Variants in SLC9A9 observed in about 807,000 individuals in gnomAD.
SLC9A9 encodes solute carrier family 9 member A9.
In SLC9A9, 62 loss-of-function variants were observed where a neutral mutation model predicts 77.8. The ratio of observed to expected loss-of-function variants is 0.80; its 90% CI spans 0.65 to 0.98. The LOEUF (loss-of-function observed/expected upper bound fraction) is 0.98. SLC9A9 is among the 50% of genes least tolerant of loss of function. The pLI is 0.00. For missense variants in SLC9A9, 775 were observed against 774.9 expected, an observed-to-expected ratio of 1.00 and a Z score of 0.00; for synonymous variants, 320 against 283.5, an observed-to-expected ratio of 1.13 and a Z score of -1.29.
intron 14 of SLC9A9, among the ~76,000 whole-genome samples, chr3:143,360,982 G>A (rs1261959093): frequency 1.3e-5 from 2 of 152,202 alleles, no homozygotes; most frequent in Non-Finnish European, 2.9e-5. Flanking sequence ...GGACTTAACA[G>A]CAAAACTTAG....
chr3:143,690,606 A>G (rs1933432955), intron 5 of SLC9A9, among the ~76,000 whole-genome samples: 1 of 152,174 alleles, frequency 6.6e-6, no homozygotes, highest in Admixed American at 6.6e-5. Context: ...AGAGGCTCCC[A>G]CTTGTCAAAA....
intron 4 of SLC9A9, among the ~76,000 whole-genome samples, chr3:143,724,899 G>A (rs559905285): frequency 7.9e-5 from 12 of 152,160 alleles, no homozygotes; most frequent in South Asian, 6.2e-4. Context: ...GCCTTTCAGT[G>A]TCAGGTGGCT....
intron 9 of SLC9A9, among the ~76,000 whole-genome samples, chr3:143,544,327 T>C (rs561586466): frequency 3.3e-5 from 5 of 152,008 alleles, no homozygotes; most frequent in Admixed American, 6.6e-5. Flanking sequence ...CCTGGGTTCA[T>C]GCCATTCTCC....
rs907021427 is a variant in SLC9A9, at chr3:143,266,402, C to G, written c.*300G>C. 3 of 548,172 alleles carry G rather than the reference C, an allele frequency of 5.5e-6. No individual in the cohort carries two copies. The Admixed American group carries it at 9.4e-5, about 17-fold the overall frequency. 34.0% of individuals were successfully genotyped at this position (548,172 alleles called of 1,614,324 possible). On this transcript the variant is annotated 3_prime_UTR_variant, in exon 16 of 16. Transcript: ENST00000316549. ...TTCGCAGCAGAAATGCCCTGAAGAC[C>G]CAGCACAGCTGTCCCATCCTCCAGC...
intron 6 of SLC9A9, among the ~76,000 whole-genome samples, chr3:143,639,543 A>G (rs1015598314): frequency 6.6e-6 from 1 of 152,180 alleles, no homozygotes; most frequent in African/African-American, 2.4e-5. Flanking sequence ...TCATAAAAGA[A>G]TCACAGAATC....
intron 9 of SLC9A9, among the ~76,000 whole-genome samples, chr3:143,506,146 C>G (rs575803380): frequency 6.6e-6 from 1 of 152,152 alleles, no homozygotes; most frequent in African/African-American, 2.4e-5. Context: ...ATAGATTGAC[C>G]TTAGATCCAT....
In SLC9A9 at chr3:143,467,026, G is replaced by A. The variant is rs199715108; in HGVS notation, c.1469+11C>T. On this transcript the variant is annotated intron_variant, in intron 12 of 15. Transcript: ENST00000316549. ...TCATAATGATTTCCTTTGCTAGACG[G>A]TGTCACTCACCTGATCTGAAGCCAA... is the stretch of plus-strand genomic sequence containing the variant. The A allele has an allele frequency of 6.2e-7, 1 of 1,612,802 alleles. No homozygotes were observed. The highest frequency in any genetic ancestry group is 8.5e-7 in the Non-Finnish European group (1 of 1,179,580).
rs186313802 is a variant in SLC9A9 at position 143,711,304 on chromosome 3, T to C, written c.534-17997A>G. ...TCACTTTTCAGAGTACACAGACTTTTTATAGGCTTCTCTTATAATAATAGG... is the reference window on the plus strand; with the variant it reads ...TCACTTTTCAGAGTACACAGACTTTCTATAGGCTTCTCTTATAATAATAGG... On this transcript the variant is annotated intron_variant, in intron 4 of 15. Coordinates refer to ENST00000316549, the MANE Select transcript of SLC9A9 (RefSeq NM_173653.4). 1.7e-3 allele frequency among the ~76,000 whole-genome samples: 259 copies of C among 152,318 alleles called. 1 individual carries two copies. The highest frequency in any genetic ancestry group is 5.9e-3 in the African/African-American group (245 of 41,576).
At chr3:143,614,593 T>C (rs868735388) in intron 6 of SLC9A9, among the ~76,000 whole-genome samples, 2 of 152,218 alleles carry the variant, frequency 1.3e-5, no homozygotes, top group Admixed American at 6.5e-5. Flanking sequence ...AATTGGATCA[T>C]GTCTTTACTC....
At chr3:143,612,100 G>T (rs1174611510) in intron 6 of SLC9A9, among the ~76,000 whole-genome samples, 1 of 152,136 alleles carries the variant, frequency 6.6e-6, no homozygotes, top group Non-Finnish European at 1.5e-5. Context: ...GTGAGTACTA[G>T]ACTTAGCCAA....
In SLC9A9 at chr3:143,662,981, C is replaced by A. The variant is rs138756975; in HGVS notation, c.650-10621G>T. ...TTGAGATCTGAGAACTGAAAGACTG[C>A]CTCCTCAAGTGGGTCCCTGACCCCC... On this transcript the variant is annotated intron_variant, in intron 5 of 15. Coordinates refer to ENST00000316549, the MANE Select transcript of SLC9A9 (RefSeq NM_173653.4). 2.9e-3 allele frequency among the ~76,000 whole-genome samples: 443 copies of A among 152,276 alleles called. 11 individuals are homozygous for A. Among genetic ancestry groups the A allele is most frequent in the Admixed American group, 0.026 (393 of 15,306 alleles).
chr3:143,460,710 A>G (rs6804097), intron 12 of SLC9A9, among the ~76,000 whole-genome samples: 42,773 of 152,026 alleles, frequency 0.28, 6,219 homozygotes, highest in East Asian at 0.49. Context: ...AATTTGGCAC[A>G]CAGAAATAAA....
intron 6 of SLC9A9, among the ~76,000 whole-genome samples, chr3:143,584,715 A>G (rs2037513384): frequency 6.6e-6 from 1 of 152,216 alleles, no homozygotes; most frequent in Admixed American, 6.5e-5. Context: ...CAGCTGTACT[A>G]TATCAAATCC....
At chr3:143,750,496 A>G (rs1218451424) in intron 4 of SLC9A9, among the ~76,000 whole-genome samples, 2 of 152,162 alleles carry the variant, frequency 1.3e-5, no homozygotes, top group Non-Finnish European at 2.9e-5. Flanking sequence ...ACTTCCCATT[A>G]CTGATACATT....
At position 143,795,057 on chromosome 3, in the gene SLC9A9, T is replaced by C; in HGVS notation, c.477A>G (p.Leu159=). The change falls in exon 4 of 16, where the codon TTA becomes TTG. Residue 159 remains leucine (L), a synonymous_variant. Coordinates refer to ENST00000316549, the MANE Select transcript of SLC9A9 (RefSeq NM_173653.4). ...SLKKRHFFQN[L]GSILTYAFLG... ...AGAAGGCATACGTTAAAATAGATCC[T>C]AAGTTTTGAAAAAAGTGTCTCTGGG... The C allele has an allele frequency of 6.2e-7, 1 of 1,613,520 alleles. No individual in the cohort carries two copies. Among genetic ancestry groups the C allele is most frequent in the Non-Finnish European group, 8.5e-7 (1 of 1,179,774 alleles).
chr3:143,768,439 T>C (rs2007403755), intron 4 of SLC9A9, among the ~76,000 whole-genome samples: 1 of 152,198 alleles, frequency 6.6e-6, no homozygotes, highest in Non-Finnish European at 1.5e-5. Flanking sequence ...AAGTTTCATC[T>C]CTTGGTATGA....
intron 6 of SLC9A9, among the ~76,000 whole-genome samples, chr3:143,618,410 T>C (rs1360727766): frequency 6.6e-6 from 1 of 152,092 alleles, no homozygotes; most frequent in Non-Finnish European, 1.5e-5. Flanking sequence ...AATATTAGGG[T>C]AGCTGAAGGG....
chr3:143,452,876 C>T (rs982739436), intron 12 of SLC9A9, among the ~76,000 whole-genome samples: 12 of 151,926 alleles, frequency 7.9e-5, no homozygotes, highest in Admixed American at 3.9e-4. Context: ...AAGAGAATGT[C>T]CTCATTCTTA....
At chr3:143,578,023 G>A (rs1298852989) in intron 7 of SLC9A9, among the ~76,000 whole-genome samples, 2 of 152,084 alleles carry the variant, frequency 1.3e-5, no homozygotes, top group African/African-American at 4.8e-5. Flanking sequence ...CAACAAAAAG[G>A]AATCAAATGA....
Sources: gnomAD v4.1 joint callset for allele counts (sites outside exome capture counted in the v4.1 genomes callset) on GRCh38, gnomAD v4.1.1 for gene constraint, MANE v1.5 for transcripts, NCBI Gene and HGNC (gene_info 2026-07-23, HGNC 2026-07-21) for gene names.